PAFAH1B1: variants seen among roughly 807,000 people sequenced by gnomAD.
The protein encoded by PAFAH1B1 is platelet activating factor acetylhydrolase 1b regulatory subunit 1.
A neutral mutation model predicts 57.5 loss-of-function variants in PAFAH1B1; 2 were observed. That is an observed-to-expected ratio of 0.03 (90% CI 0.01 to 0.11). The LOEUF is 0.11. PAFAH1B1 is among the 10% of genes least tolerant of loss of function. The probability of loss-of-function intolerance (pLI) is 1.00; values close to 1 mark genes in which losing one functional copy is unlikely to be tolerated. For synonymous variants in PAFAH1B1, 152 were observed against 169.6 expected (o/e 0.90, Z 0.81); for missense variants, 257 against 512.0 (o/e 0.50, Z 4.81).
intron 7 of PAFAH1B1, among the ~76,000 whole-genome samples, chr17:2,673,154 C>T (rs889593356): frequency 6.6e-6 from 1 of 152,026 alleles, no homozygotes; most frequent in Non-Finnish European, 1.5e-5. Flanking sequence ...CGACTTTAAC[C>T]CGGAATGATC....
chr17:2,671,215 T>G (rs1022333139), intron 6 of PAFAH1B1, among the ~76,000 whole-genome samples: 2 of 152,070 alleles, frequency 1.3e-5, no homozygotes, highest in Admixed American at 1.3e-4. Flanking sequence ...GTTTTTTGGT[T>G]GTTTTTTTTT....
In PAFAH1B1 at chr17:2,652,407, T is replaced by A. The variant is rs1012013294; in HGVS notation, c.33-12965T>A. Among the ~76,000 whole-genome samples, 33 of 152,174 alleles carry A rather than the reference T, an allele frequency of 2.2e-4. 1 individual carries two copies. The highest frequency in any genetic ancestry group is 1.9e-4 in the East Asian group (1 of 5,196). On this transcript the variant is annotated intron_variant, in intron 2 of 10. Transcript: ENST00000397195. ...TCCAGCCTGGGCGGCAGAGCGAGAC[T>A]CCGTCTCAAACAAAACAAAACAAAA... is the stretch of plus-strand genomic sequence containing the variant.
chr17:2,665,546 A>G, intron 3 of PAFAH1B1, 90 bp downstream of exon 3: 2 of 789,574 alleles, frequency 2.5e-6, no homozygotes, highest in South Asian at 2.9e-5. Flanking sequence ...CAATTTTGTC[A>G]TTTGTTATTG....
intron 2 of PAFAH1B1, chr17:2,640,869 A>T (rs768390691): frequency 6.6e-6 from 1 of 152,182 alleles, no homozygotes; most frequent in Non-Finnish European, 1.5e-5. Context: ...ATCCTCAACC[A>T]AGATGATTGA....
intron 1 of PAFAH1B1, among the ~76,000 whole-genome samples, chr17:2,630,292 A>G (rs2068539690): frequency 6.6e-6 from 1 of 152,126 alleles, no homozygotes; most frequent in South Asian, 2.1e-4. Context: ...CAGTTCTTGT[A>G]ATGGTGGCTT....
At chr17:2,618,813 G>A (rs1303052943) in intron 1 of PAFAH1B1, among the ~76,000 whole-genome samples, 1 of 150,134 alleles carries the variant, frequency 6.7e-6, no homozygotes, top group African/African-American at 2.4e-5. Context: ...TTGGGAGGCC[G>A]AGGTAGGAGA....
intron 2 of PAFAH1B1, chr17:2,639,603 CT>C (rs535777181): frequency 4.5e-4 from 66 of 146,652 alleles, no homozygotes; most frequent in Middle Eastern, 3.5e-3. Context: ...TGTTCTACTT[CT>C]TTTTTTTTTT....
intron 2 of PAFAH1B1, among the ~76,000 whole-genome samples, chr17:2,646,551 C>G (rs1029735673): frequency 2.6e-5 from 4 of 152,080 alleles, no homozygotes; most frequent in African/African-American, 9.7e-5. Context: ...TACTCAGGAG[C>G]TGAGGCATGA....
In PAFAH1B1 at chr17:2,636,405, T is replaced by C. The variant is rs117670867; in HGVS notation, c.-190-1694T>C. 6.8e-3 allele frequency among the ~76,000 whole-genome samples: 1,040 copies of C among 152,326 alleles called. 4 individuals are homozygous for C. The highest frequency in any genetic ancestry group is 0.011 in the Non-Finnish European group (769 of 68,028). On this transcript the variant is annotated intron_variant, in intron 1 of 10. Coordinates refer to ENST00000397195, the MANE Select transcript of PAFAH1B1 (RefSeq NM_000430.4). ...ATCTCTAATGAAATAGCAGTTGCCA[T>C]AGCGAGCACCTGAGCTGTCACTTTT...
intron 6 of PAFAH1B1, among the ~76,000 whole-genome samples, chr17:2,671,663 C>T (rs528781480): frequency 2.9e-5 from 4 of 139,622 alleles, no homozygotes; most frequent in African/African-American, 1.1e-4. Context: ...AGTACAGTGG[C>T]ACAATCTTTG....
chr17:2,664,069 T>C (rs1411768058), intron 2 of PAFAH1B1, among the ~76,000 whole-genome samples: 1 of 152,166 alleles, frequency 6.6e-6, no homozygotes, highest in Non-Finnish European at 1.5e-5. Flanking sequence ...CGTGAGCCAC[T>C]GCGCTGGCCT....
intron 2 of PAFAH1B1, among the ~76,000 whole-genome samples, chr17:2,646,509 C>T (rs1398957357): frequency 7.9e-5 from 12 of 151,922 alleles, no homozygotes; most frequent in African/African-American, 2.7e-4. Context: ...AAAAATTAGC[C>T]GGGTGTGGTG....
chr17:2,624,296 C>T (rs577952716), intron 1 of PAFAH1B1, among the ~76,000 whole-genome samples: 2 of 152,328 alleles, frequency 1.3e-5, no homozygotes, highest in East Asian at 3.9e-4. Context: ...CTGTTCCAAA[C>T]TCTGCCTGTT....
chr17:2,618,996 T>C (rs1231484855), intron 1 of PAFAH1B1, among the ~76,000 whole-genome samples: 5 of 148,460 alleles, frequency 3.4e-5, no homozygotes, highest in African/African-American at 1.2e-4. Context: ...AACAGTCATA[T>C]AACACTCCCA....
chr17:2,628,752 G>A lies in PAFAH1B1; in HGVS notation c.-190-9347G>A, dbSNP rs527889742. The stretch of plus-strand genomic sequence containing the variant: ...TTTTGTTGGTAATTTCTTAATTACC[G>A]TTTCAGTGTCACTGCTTGTTATTGG... On this transcript the variant is annotated intron_variant, in intron 1 of 10. Coordinates refer to ENST00000397195, the MANE Select transcript of PAFAH1B1 (RefSeq NM_000430.4). 1.6e-4 allele frequency among the ~76,000 whole-genome samples: 24 copies of A among 152,174 alleles called. No individual in the cohort carries two copies. In the South Asian group the frequency reaches 4.6e-3, roughly 29 times the overall value.
chr17:2,652,576 A>C (rs999175181), intron 2 of PAFAH1B1, among the ~76,000 whole-genome samples: 3 of 152,008 alleles, frequency 2.0e-5, no homozygotes, highest in Non-Finnish European at 4.4e-5. Context: ...TTTGAACATC[A>C]TATATATTTG....
chr17:2,652,156 A>T (rs991594359), intron 2 of PAFAH1B1, among the ~76,000 whole-genome samples: 3 of 37,694 alleles, frequency 8.0e-5, no homozygotes, highest in Non-Finnish European at 1.1e-4. Flanking sequence ...TCACGCCTGT[A>T]ATCCCACACT....
At chr17:2,668,683 CA>C (rs961136168) in intron 5 of PAFAH1B1, among the ~76,000 whole-genome samples, 1 of 147,618 alleles carries the variant, frequency 6.8e-6, no homozygotes, top group Non-Finnish European at 1.5e-5. Context: ...GTCTTAAAAA[CA>C]AAAAAATTGG....
intron 1 of PAFAH1B1, among the ~76,000 whole-genome samples, chr17:2,597,685 A>T (rs1280000920): frequency 6.6e-6 from 1 of 151,828 alleles, no homozygotes; most frequent in African/African-American, 2.4e-5. Context: ...CTGGAATTAC[A>T]GATGTGAGCC....
Sources: allele counts gnomAD v4.1 joint callset (sites outside exome capture counted in the v4.1 genomes callset), GRCh38; gene constraint gnomAD v4.1.1; transcripts MANE v1.5; gene names NCBI Gene and HGNC (gene_info 2026-07-23, HGNC 2026-07-21).